ANO3: variants seen among roughly 807,000 people sequenced by gnomAD.
ANO3 encodes anoctamin 3.
Under a neutral mutation model 144.8 loss-of-function variants are expected in ANO3, and 99 were observed. The ratio of observed to expected loss-of-function variants is 0.68; its 90% CI spans 0.58 to 0.81. ANO3 has a LOEUF of 0.81. Among genes scored for constraint, ANO3 ranks in the 30% least tolerant of loss-of-function variants. The pLI, the probability that ANO3 is intolerant of heterozygous loss-of-function variation, is 0.00. For synonymous variants in ANO3, 414 were observed against 392.6 expected, an observed-to-expected ratio of 1.05 and a Z score of -0.64; for missense variants, 905 against 1,202.2, an observed-to-expected ratio of 0.75 and a Z score of 3.66.
intron 4 of ANO3, among the ~76,000 whole-genome samples, chr11:26,505,698 C>T (rs557461927): frequency 6.6e-6 from 1 of 152,164 alleles, no homozygotes; most frequent in East Asian, 1.9e-4. Flanking sequence ...ATTGGCCGGG[C>T]GCAGTGGCTC....
At chr11:26,461,595 T>C (rs1312847517) in intron 3 of ANO3, among the ~76,000 whole-genome samples, 1 of 152,106 alleles carries the variant, frequency 6.6e-6, no homozygotes, top group Non-Finnish European at 1.5e-5. Context: ...TGTCAACTTG[T>C]AAAAGAGTAT....
chr11:26,294,432 T>G (rs896346272), intron 1 of ANO3, among the ~76,000 whole-genome samples: 34 of 152,104 alleles, frequency 2.2e-4, no homozygotes, highest in African/African-American at 8.0e-4. Context: ...ATAAACATTG[T>G]ATATGTTTAT....
chr11:26,610,894 A>G (rs1852080678), intron 17 of ANO3, among the ~76,000 whole-genome samples: 1 of 152,108 alleles, frequency 6.6e-6, no homozygotes, highest in Non-Finnish European at 1.5e-5. Context: ...GAATCTATCC[A>G]GTTCATCTAT....
intron 14 of ANO3, among the ~76,000 whole-genome samples, chr11:26,590,440 C>T (rs1439199085): frequency 1.3e-5 from 2 of 152,212 alleles, no homozygotes; most frequent in Non-Finnish European, 2.9e-5. Context: ...CTGTTACCAG[C>T]AGGTCTTTGT....
intron 1 of ANO3, among the ~76,000 whole-genome samples, chr11:26,415,329 C>G (rs1857552966): frequency 6.6e-6 from 1 of 152,000 alleles, no homozygotes; most frequent in South Asian, 2.1e-4. Flanking sequence ...TGTTGTCAAG[C>G]CTTACTGAGG....
At chr11:26,318,353 A>T (rs1480564597) in intron 1 of ANO3, among the ~76,000 whole-genome samples, 1 of 152,176 alleles carries the variant, frequency 6.6e-6, no homozygotes. Context: ...CATAGCAATT[A>T]ACAGAATGCA....
intron 4 of ANO3, among the ~76,000 whole-genome samples, chr11:26,505,980 G>T (rs1433965143): frequency 1.8e-5 from 2 of 108,896 alleles, no homozygotes; most frequent in African/African-American, 7.5e-5. Flanking sequence ...GCTACAGAGC[G>T]AGACTCTGTC....
At chr11:26,402,952 C>T (rs781245900) in intron 1 of ANO3, among the ~76,000 whole-genome samples, 3 of 151,976 alleles carry the variant, frequency 2.0e-5, no homozygotes, top group African/African-American at 4.8e-5. Flanking sequence ...CGCCAGCTCA[C>T]CCATCATAAT....
chr11:26,646,179 TG>T (rs530204291), intron 23 of ANO3, among the ~76,000 whole-genome samples: 14 of 152,168 alleles, frequency 9.2e-5, no homozygotes, highest in Non-Finnish European at 2.1e-4. Context: ...AATTCTGCAT[TG>T]TTTTTTCTTC....
chr11:26,600,145 G>A (rs1422292533), intron 17 of ANO3, among the ~76,000 whole-genome samples: 5 of 152,032 alleles, frequency 3.3e-5, no homozygotes, highest in African/African-American at 1.2e-4. Context: ...TAGTCTTCAT[G>A]TGAAATGAAA....
intron 1 of ANO3, among the ~76,000 whole-genome samples, chr11:26,425,578 A>G (rs1433834522): frequency 6.6e-6 from 1 of 152,086 alleles, no homozygotes; most frequent in African/African-American, 2.4e-5. Flanking sequence ...TCCTGCTCAC[A>G]CTTATTATGA....
chr11:26,370,108 C>A (rs941780267), intron 1 of ANO3, among the ~76,000 whole-genome samples: 7 of 152,174 alleles, frequency 4.6e-5, no homozygotes, highest in South Asian at 4.1e-4. Context: ...GTGTTCTCAC[C>A]CATATCTAGT....
At chr11:26,453,822 G>C (rs1050007880) in intron 3 of ANO3, among the ~76,000 whole-genome samples, 1 of 151,856 alleles carries the variant, frequency 6.6e-6, no homozygotes, top group Non-Finnish European at 1.5e-5. Context: ...TTGACCACAT[G>C]GTTGGAAGTA....
At chr11:26,451,461 G>A (rs572598544) in intron 3 of ANO3, among the ~76,000 whole-genome samples, 221 of 152,292 alleles carry the variant, frequency 1.5e-3, no homozygotes, top group African/African-American at 5.1e-3. Flanking sequence ...AGGGTCCTAC[G>A]CCCACGGAGT....
At chr11:26,577,352 T>C (rs780651667) in intron 14 of ANO3, among the ~76,000 whole-genome samples, 1 of 151,384 alleles carries the variant, frequency 6.6e-6, no homozygotes, top group Non-Finnish European at 1.5e-5. Context: ...TCACCTGAGG[T>C]TAAAGACCAG....
intron 24 of ANO3, among the ~76,000 whole-genome samples, 155 bp from the exon 25 acceptor site, chr11:26,655,970 G>T (rs1400074729): frequency 6.6e-6 from 1 of 152,092 alleles, no homozygotes; most frequent in Non-Finnish European, 1.5e-5. Flanking sequence ...ACAATTATGA[G>T]AGTTAGGGAA....
At chr11:26,597,484 A>G (rs1173799162) in intron 14 of ANO3, among the ~76,000 whole-genome samples, 1 of 152,152 alleles carries the variant, frequency 6.6e-6, no homozygotes, top group Non-Finnish European at 1.5e-5. Flanking sequence ...AGCACAGTGG[A>G]CACCCTGCCG....
intron 1 of ANO3, among the ~76,000 whole-genome samples, chr11:26,312,939 T>G (rs751390979): frequency 6.6e-6 from 1 of 152,232 alleles, no homozygotes; most frequent in African/African-American, 2.4e-5. Flanking sequence ...CATGTAAATA[T>G]ACTATTCCAT....
chr11:26,453,396 C>A (rs1001728534), intron 3 of ANO3, among the ~76,000 whole-genome samples: 80 of 152,012 alleles, frequency 5.3e-4, no homozygotes, highest in Admixed American at 1.5e-3. Flanking sequence ...TCTACCAAGC[C>A]AATGGAAAAC....
Sources: allele counts gnomAD v4.1 joint callset (sites outside exome capture counted in the v4.1 genomes callset), GRCh38; gene constraint gnomAD v4.1.1; transcripts MANE v1.5; gene names NCBI Gene and HGNC (gene_info 2026-07-23, HGNC 2026-07-21).